IGSF11: variants seen among roughly 807,000 people sequenced by gnomAD.
IGSF11 encodes the protein CXADR like 1.
A neutral mutation model predicts 41.0 loss-of-function variants in IGSF11; 22 were observed. That is an observed-to-expected ratio of 0.54 (90% CI 0.38 to 0.77). The LOEUF (loss-of-function observed/expected upper bound fraction) is 0.77. Among genes scored for constraint, IGSF11 ranks in the 30% least tolerant of loss-of-function variants. The pLI is 0.00. For missense variants in IGSF11, 444 were observed against 530.8 expected, an observed-to-expected ratio of 0.84 and a Z score of 1.61; for synonymous variants, 219 against 201.3, an observed-to-expected ratio of 1.09 and a Z score of -0.74.
chr3:119,077,062 T>C (rs544282621), intron 1 of IGSF11, among the ~76,000 whole-genome samples: 135 of 152,256 alleles, frequency 8.9e-4, no homozygotes, highest in Non-Finnish European at 1.5e-3. Context: ...ATGTGGCACA[T>C]ATACACCATG....
intron 4 of IGSF11, among the ~76,000 whole-genome samples, chr3:118,915,274 G>C (rs905897680): frequency 7.2e-6 from 1 of 139,726 alleles, no homozygotes; most frequent in Non-Finnish European, 1.5e-5. Flanking sequence ...TTGACGAGCT[G>C]AGAGAAGAAG....
At chr3:119,046,734 C>A (rs1436747932) in intron 1 of IGSF11, among the ~76,000 whole-genome samples, 1 of 152,100 alleles carries the variant, frequency 6.6e-6, no homozygotes, top group Non-Finnish European at 1.5e-5. Flanking sequence ...ATGTTAAGGG[C>A]AGCCAGAGAG....
At chr3:119,061,605 T>G (rs989463302) in intron 1 of IGSF11, among the ~76,000 whole-genome samples, 7 of 152,200 alleles carry the variant, frequency 4.6e-5, no homozygotes, top group Non-Finnish European at 8.8e-5. Flanking sequence ...TCTTGTTGCC[T>G]TTTTCACTTC....
intron 3 of IGSF11, 74 bp from the exon 4 acceptor site, chr3:118,926,330 T>A: frequency 1.7e-6 from 2 of 1,198,462 alleles, no homozygotes; most frequent in Non-Finnish European, 2.3e-6. Flanking sequence ...GACATCAACA[T>A]TCAGTACATT....
intron 4 of IGSF11, among the ~76,000 whole-genome samples, chr3:118,924,761 C>A (rs1942140275): frequency 6.6e-6 from 1 of 151,848 alleles, no homozygotes; most frequent in Admixed American, 6.6e-5. Flanking sequence ...AAACTCCAAC[C>A]AATATTTCAC....
chr3:118,909,534 C>T (rs1321604006), intron 4 of IGSF11, among the ~76,000 whole-genome samples: 1 of 152,060 alleles, frequency 6.6e-6, no homozygotes, highest in African/African-American at 2.4e-5. Context: ...TAAAATATAA[C>T]ATTGGACACA....
intron 1 of IGSF11, among the ~76,000 whole-genome samples, chr3:119,102,784 A>T (rs1031350245): frequency 4.6e-5 from 7 of 151,894 alleles, no homozygotes; most frequent in Admixed American, 4.6e-4. Flanking sequence ...AGTTATATCT[A>T]GTTTTCTTTC....
intron 1 of IGSF11, among the ~76,000 whole-genome samples, chr3:119,139,711 A>T (rs115894883): frequency 9.1e-4 from 138 of 152,318 alleles, no homozygotes; most frequent in African/African-American, 3.2e-3. Context: ...ATGGACTAAT[A>T]TAGTATTATA....
intron 1 of IGSF11, among the ~76,000 whole-genome samples, chr3:119,019,210 C>A (rs1939045673): frequency 6.6e-6 from 1 of 151,850 alleles, no homozygotes; most frequent in South Asian, 2.1e-4. Flanking sequence ...AGATAAGGAT[C>A]CTTGATTCTG....
In IGSF11 at chr3:118,904,633, A is replaced by C. The variant is rs1293049477; in HGVS notation, c.854+15T>G. 6.3e-7 allele frequency: 1 copy of C among 1,591,364 alleles called. No individual in the cohort carries two copies. The highest frequency in any genetic ancestry group is 8.6e-7 in the Non-Finnish European group (1 of 1,165,020). ...TGGCTATGCAGGACAAATTTTAAAAATCTGACATACAAACCTTATTTCATT... is the reference window on the plus strand; with the variant it reads ...TGGCTATGCAGGACAAATTTTAAAACTCTGACATACAAACCTTATTTCATT... On this transcript the variant is annotated intron_variant, in intron 6 of 6. Transcript: ENST00000393775.
intron 1 of IGSF11, among the ~76,000 whole-genome samples, chr3:118,935,389 CACACACAT>C (rs372290382): frequency 1.1e-3 from 142 of 132,224 alleles, no homozygotes; most frequent in African/African-American, 2.6e-3. Flanking sequence ...CACACACACA[CACACACAT>C]ACACACACAC....
chr3:118,928,397 A>T, intron 3 of IGSF11, 112 bp downstream of exon 3: 4 of 738,238 alleles, frequency 5.4e-6, no homozygotes. Flanking sequence ...GAGAGAAGAC[A>T]GAAAAAGAAC....
chr3:119,076,862 A>C (rs2076508681), intron 1 of IGSF11, among the ~76,000 whole-genome samples: 1 of 152,170 alleles, frequency 6.6e-6, no homozygotes, highest in Admixed American at 6.5e-5. Context: ...ACAGTGTGGC[A>C]GTTCCTCAAG....
chr3:119,133,901 G>C (rs1559885323), intron 1 of IGSF11, among the ~76,000 whole-genome samples: 1 of 152,202 alleles, frequency 6.6e-6, no homozygotes, highest in Non-Finnish European at 1.5e-5. Context: ...CCCCTGGGAT[G>C]CAAGGCTGAT....
chr3:118,976,855 T>C (rs1157035901), intron 1 of IGSF11, among the ~76,000 whole-genome samples: 2 of 152,172 alleles, frequency 1.3e-5, no homozygotes, highest in Non-Finnish European at 2.9e-5. Flanking sequence ...TGTAACATTC[T>C]AACCTCAATA....
At chr3:119,026,394 G>C (rs1939829767) in intron 1 of IGSF11, among the ~76,000 whole-genome samples, 1 of 152,170 alleles carries the variant, frequency 6.6e-6, no homozygotes, top group South Asian at 2.1e-4. Context: ...GACTGATGCA[G>C]ATTCCCAAGA....
At chr3:119,036,061 C>T (rs1940886135), upstream of IGSF11, among the ~76,000 whole-genome samples, 1 of 152,106 alleles carries the variant, frequency 6.6e-6, no homozygotes, top group Non-Finnish European at 1.5e-5. Context: ...TATGGATGTA[C>T]TTCTTTTTGA....
intron 1 of IGSF11, among the ~76,000 whole-genome samples, chr3:118,959,155 A>C (rs892793354): frequency 4.6e-5 from 7 of 152,166 alleles, no homozygotes; most frequent in African/African-American, 1.7e-4. Flanking sequence ...ACAAATAGAA[A>C]ACCCATTCTG....
intron 1 of IGSF11, among the ~76,000 whole-genome samples, chr3:119,026,693 G>A (rs1056671880): frequency 6.6e-6 from 1 of 152,130 alleles, no homozygotes; most frequent in South Asian, 2.1e-4. Context: ...GTAATATTCT[G>A]TGTGACAAAA....
Sources: gnomAD v4.1 joint callset for allele counts (sites outside exome capture counted in the v4.1 genomes callset) on GRCh38, gnomAD v4.1.1 for gene constraint, MANE v1.5 for transcripts, NCBI Gene and HGNC (gene_info 2026-07-23, HGNC 2026-07-21) for gene names.